STX7: variants seen among roughly 807,000 people sequenced by gnomAD.
The protein encoded by STX7 is syntaxin 7, also known as syntaxin-7.
A neutral mutation model predicts 39.6 loss-of-function variants in STX7; 34 were observed. The observed-to-expected ratio is 0.86, with a 90% CI of 0.65 to 1.14. STX7 has a LOEUF of 1.14. STX7 is among the 50% of genes most tolerant of loss of function. STX7 has a pLI of 0.00. For missense variants in STX7, 284 were observed against 310.4 expected, an observed-to-expected ratio of 0.92 and a Z score of 0.64; for synonymous variants, 119 against 99.1, an observed-to-expected ratio of 1.20 and a Z score of -1.19.
intron 3 of STX7, among the ~76,000 whole-genome samples, chr6:132,473,711 C>A (rs1370308027): frequency 6.6e-6 from 1 of 151,862 alleles, no homozygotes; most frequent in Non-Finnish European, 1.5e-5. Context: ...CAAATCACAA[C>A]ATCAGTACCT....
intron 2 of STX7, among the ~76,000 whole-genome samples, chr6:132,498,600 T>C (rs1031644455): frequency 2.0e-5 from 3 of 152,210 alleles, no homozygotes; most frequent in Non-Finnish European, 4.4e-5. Flanking sequence ...TAGGTTTCTT[T>C]TGTAAAATCA....
chr6:132,468,492 AT>A lies in STX7; in HGVS notation c.538-18del. ...AATATCAGCCTAAGAGAAAACGCATATATTATTATAATCAGAAATTCAGTCC... is the reference window on the plus strand; with the variant it reads ...AATATCAGCCTAAGAGAAAACGCATAATTATTATAATCAGAAATTCAGTCC... On this transcript the variant is annotated intron_variant, in intron 7 of 9. Transcript: ENST00000367941. 6.4e-7 allele frequency: 1 copy of A among 1,571,772 alleles called. No individual in the cohort carries two copies. Among genetic ancestry groups the A allele is most frequent in the Non-Finnish European group, 8.6e-7 (1 of 1,156,886 alleles).
chr6:132,451,190 G>A lies in STX7; in HGVS notation c.*9568C>T, dbSNP rs72996876. 4,294 of 151,244 alleles carry A rather than the reference G, an allele frequency of 0.028. 92 individuals carry two copies. The highest frequency in any genetic ancestry group is 0.045 in the Non-Finnish European group (3,031 of 67,892). The allele number at this position is 151,244 out of a possible 1,614,324, so 9.4% of individuals were successfully genotyped here. On this transcript the variant is annotated 3_prime_UTR_variant, in exon 10 of 10. Coordinates refer to ENST00000367941, the MANE Select transcript of STX7 (RefSeq NM_003569.3). ...TCAGCTCACTGTAATCTCCGCCTAC[G>A]GGTTCAAGTGATTCTCCTGCCTCAG...
At chr6:132,469,222 T>C (rs1774643407) in intron 7 of STX7, among the ~76,000 whole-genome samples, 2 of 152,194 alleles carry the variant, frequency 1.3e-5, no homozygotes, top group African/African-American at 2.4e-5. Context: ...TTAGATCTCT[T>C]TGATGTCATA....
chr6:132,499,771 C>G (rs1775508347), intron 2 of STX7, among the ~76,000 whole-genome samples: 1 of 152,114 alleles, frequency 6.6e-6, no homozygotes, highest in South Asian at 2.1e-4. Context: ...ACCATTTATA[C>G]TCTGAGGACA....
chr6:132,495,645 A>G (rs948905949), intron 2 of STX7, among the ~76,000 whole-genome samples: 2 of 152,050 alleles, frequency 1.3e-5, no homozygotes, highest in Admixed American at 1.3e-4. Flanking sequence ...TTGCCCTGGC[A>G]CCAAAAAAAA....
At chr6:132,509,202 G>A (rs1272618281) in intron 1 of STX7, among the ~76,000 whole-genome samples, 1 of 152,106 alleles carries the variant, frequency 6.6e-6, no homozygotes, top group Non-Finnish European at 1.5e-5. Context: ...GCTCACGCCT[G>A]TAATCCCGGA....
chr6:132,500,229 T>C (rs1250699698), intron 2 of STX7, among the ~76,000 whole-genome samples: 4 of 126,222 alleles, frequency 3.2e-5, no homozygotes, highest in Non-Finnish European at 7.1e-5. Context: ...TCTGCTTAAA[T>C]GCCTCCAGTG....
chr6:132,462,015 C>T (rs906127271), intron 9 of STX7, among the ~76,000 whole-genome samples: 17 of 152,166 alleles, frequency 1.1e-4, no homozygotes, highest in African/African-American at 3.9e-4. Flanking sequence ...GTGAATACTC[C>T]TTACGTATCA....
chr6:132,467,783 C>G (rs922254937), intron 8 of STX7, among the ~76,000 whole-genome samples: 4 of 152,152 alleles, frequency 2.6e-5, no homozygotes, highest in African/African-American at 9.7e-5. Flanking sequence ...CAATACATAG[C>G]TCCAGACTTC....
At chr6:132,490,314 G>A (rs1056201353) in intron 2 of STX7, among the ~76,000 whole-genome samples, 6 of 152,192 alleles carry the variant, frequency 3.9e-5, no homozygotes, top group African/African-American at 1.4e-4. Context: ...TTTACAGGCA[G>A]TGATTCCCAA....
intron 1 of STX7, among the ~76,000 whole-genome samples, chr6:132,511,058 G>A (rs1042094919): frequency 6.6e-6 from 1 of 152,202 alleles, no homozygotes; most frequent in Non-Finnish European, 1.5e-5. Flanking sequence ...CCCCAAGTAA[G>A]TTCTGAGGGG....
chr6:132,476,966 A>C (rs2114396150), intron 2 of STX7, among the ~76,000 whole-genome samples: 1 of 152,278 alleles, frequency 6.6e-6, no homozygotes, highest in South Asian at 2.1e-4. Flanking sequence ...TGGTTTACTT[A>C]TATAGCTTAA....
chr6:132,509,181 T>C (rs1335949011), intron 1 of STX7, among the ~76,000 whole-genome samples: 1 of 152,106 alleles, frequency 6.6e-6, no homozygotes, highest in African/African-American at 2.4e-5. Flanking sequence ...AAATTTGGGC[T>C]GGGCGCGGTG....
At position 132,471,556 on chromosome 6, in the gene STX7, T is replaced by C; in HGVS notation, c.294A>G (p.Thr98=). The change falls in exon 5 of 10, where the codon ACA becomes ACG. Residue 98 remains threonine (T), a synonymous_variant. Transcript: ENST00000367941. Reference sequence around the variant, plus strand: ...CCTTCTGGAAGTTTGTCAGTGATGTTGTGAACTCTGCCACTAAGCGATCCT... The same window carrying C: ...CCTTCTGGAAGTTTGTCAGTGATGTCGTGAACTCTGCCACTAAGCGATCCT... ...IQKDRLVAEF[T]TSLTNFQKVQ... 1 of 1,614,012 alleles carries C rather than the reference T, an allele frequency of 6.2e-7. No individual in the cohort carries two copies. The highest frequency in any genetic ancestry group is 8.5e-7 in the Non-Finnish European group (1 of 1,179,926).
At chr6:132,505,479 G>T (rs1040522298) in intron 1 of STX7, among the ~76,000 whole-genome samples, 1 of 152,064 alleles carries the variant, frequency 6.6e-6, no homozygotes, top group Admixed American at 6.5e-5. Context: ...TCCCTCTCAG[G>T]TACAGCTGAT....
In STX7 at chr6:132,453,290, T is replaced by C. The variant is rs533296601; in HGVS notation, c.*7468A>G. Reference sequence around the variant, plus strand: ...AGACTTAAAAGTAAAACGTAAACTATAATACTTTTAGAAAACAACATAAAA... The same window carrying C: ...AGACTTAAAAGTAAAACGTAAACTACAATACTTTTAGAAAACAACATAAAA... On this transcript the variant is annotated 3_prime_UTR_variant, in exon 10 of 10. Coordinates refer to ENST00000367941, the MANE Select transcript of STX7 (RefSeq NM_003569.3). The C allele has an allele frequency of 5.3e-5, 8 of 152,128 alleles. No individual in the cohort carries two copies. In the East Asian group the frequency reaches 1.3e-3, roughly 26 times the overall value. 9.4% of individuals were successfully genotyped at this position (152,128 alleles called of 1,614,324 possible).
chr6:132,463,928 C>T (rs967788153), intron 9 of STX7, 65 bp downstream of exon 9: 2 of 1,488,120 alleles, frequency 1.3e-6, no homozygotes, highest in Non-Finnish European at 1.9e-6. Flanking sequence ...GCTTCCTCAA[C>T]ACAAACACAC....
rs1257905703 is a variant in STX7, at chr6:132,450,818, G to A, written c.*9940C>T. The A allele has an allele frequency of 6.6e-6, 1 of 151,948 alleles. No individual in the cohort carries two copies. Among genetic ancestry groups the A allele is most frequent in the Non-Finnish European group, 1.5e-5 (1 of 67,996 alleles). The allele number at this position is 151,948 out of a possible 1,614,324, so 9.4% of individuals were successfully genotyped here. A position where few individuals can be genotyped will look rare whatever the true frequency, so the allele number is the denominator to read the frequency against. On this transcript the variant is annotated 3_prime_UTR_variant, in exon 10 of 10. Transcript: ENST00000367941. ...AATAAATCTAACATTTGTGTCATCAGAGTCTCAAAAGAAAGAAGAAAGAAG... is the reference window on the plus strand; with the variant it reads ...AATAAATCTAACATTTGTGTCATCAAAGTCTCAAAAGAAAGAAGAAAGAAG...
Sources: allele counts gnomAD v4.1 joint callset (sites outside exome capture counted in the v4.1 genomes callset), GRCh38; gene constraint gnomAD v4.1.1; transcripts MANE v1.5; gene names NCBI Gene and HGNC (gene_info 2026-07-23, HGNC 2026-07-21).